The following BRI3 variants were observed in gnomAD, a reference collection of about 807,000 sequenced individuals.
BRI3 encodes the protein membrane protein BRI3.
In BRI3, 6 loss-of-function variants were observed where a neutral mutation model predicts 12.8. That is an observed-to-expected ratio of 0.47 (90% CI 0.26 to 0.93). The LOEUF (loss-of-function observed/expected upper bound fraction) is 0.93, where lower values mean the gene tolerates loss of function less well. BRI3 is among the 40% of genes least tolerant of loss of function. The pLI is 0.15. For synonymous variants in BRI3, 91 were observed against 76.1 expected (o/e 1.20, Z -1.02); for missense variants, 134 against 171.1 (o/e 0.78, Z 1.21).
upstream of BRI3, chr7:98,304,512 A>G: frequency 1.2e-6 from 1 of 864,736 alleles, no homozygotes; most frequent in Non-Finnish European, 1.8e-6. Flanking sequence ...TCACACACAC[A>G]GACACACACA....
At chr7:98,289,014 G>A (rs1799807126) in intron 2 of BRI3, among the ~76,000 whole-genome samples, 1 of 152,040 alleles carries the variant, frequency 6.6e-6, no homozygotes, top group African/African-American at 2.4e-5. Context: ...AGGCTAGAGT[G>A]CAGTGGCACG....
exon 2 of BRI3, chr7:98,307,784 C>G: frequency 1.9e-6 from 3 of 1,614,258 alleles, no homozygotes; most frequent in Non-Finnish European, 2.5e-6. Flanking sequence ...TGAGTAAGGT[C>G]TTGTTGGAGC....
intron 2 of BRI3, among the ~76,000 whole-genome samples, chr7:98,287,325 C>T (rs1799743841): frequency 6.6e-6 from 1 of 152,182 alleles, no homozygotes; most frequent in African/African-American, 2.4e-5. Flanking sequence ...CGGAGTGGGT[C>T]CCTGGACTGA....
the BRI3 span, chr7:98,319,919 G>A: frequency 5.2e-5 from 38 of 733,118 alleles, no homozygotes; most frequent in East Asian, 3.0e-4. Context: ...AGAGCTTGTC[G>A]GTTTCATGCA....
At chr7:98,292,339 A>G (rs995607901), downstream of BRI3, 15 of 364,292 alleles carry the variant, frequency 4.1e-5, no homozygotes, top group Admixed American at 1.7e-4. Flanking sequence ...CTCCTGCCTC[A>G]GCCTCCTGAG....
upstream of BRI3, among the ~76,000 whole-genome samples, chr7:98,304,814 G>A (rs368202578): frequency 2.6e-5 from 4 of 151,640 alleles, no homozygotes; most frequent in African/African-American, 7.3e-5. Flanking sequence ...CACCACACCC[G>A]GCCTAAAACA....
At chr7:98,317,294 T>C in the BRI3 span, 58 of 1,614,128 alleles carry the variant, frequency 3.6e-5, no homozygotes, top group Non-Finnish European at 3.8e-5. Context: ...TCAACTCAGC[T>C]TGGGATTTCT....
intron 2 of BRI3, among the ~76,000 whole-genome samples, chr7:98,290,760 C>T (rs7794612): frequency 6.6e-6 from 1 of 151,736 alleles, no homozygotes; most frequent in Admixed American, 6.6e-5. Context: ...CCGCCTCCCA[C>T]AGTGCTGGGA....
chr7:98,299,273 C>T (rs934121217), intron 1 of BRI3, among the ~76,000 whole-genome samples: 30 of 152,150 alleles, frequency 2.0e-4, no homozygotes, highest in Non-Finnish European at 1.0e-4. Context: ...CCTGCCTCGG[C>T]CTCCCAAGGT....
At chr7:98,292,578 C>G (rs1445868697), downstream of BRI3, 16 of 1,496,040 alleles carry the variant, frequency 1.1e-5, no homozygotes, top group Admixed American at 2.0e-5. Context: ...CACATCCATA[C>G]CATAGGGCCA....
At chr7:98,314,981 C>T (rs1302622440), downstream of BRI3, among the ~76,000 whole-genome samples, 1 of 152,228 alleles carries the variant, frequency 6.6e-6, no homozygotes, top group Non-Finnish European at 1.5e-5. Context: ...GACGTTTGAC[C>T]ATTTCAGCTG....
At chr7:98,293,740 G>T, downstream of BRI3, 1 of 768,594 alleles carries the variant, frequency 1.3e-6, no homozygotes, top group Non-Finnish European at 2.2e-6. Context: ...AGCGTTTTCT[G>T]AGTGTGAAAG....
chr7:98,321,930 T>C, the BRI3 span, among the ~76,000 whole-genome samples: 61,220 of 151,928 alleles, frequency 0.4, 13,306 homozygotes, highest in Middle Eastern at 0.55. Context: ...ACCCCGTCTC[T>C]ATTAAAAATA....
intron 2 of BRI3, among the ~76,000 whole-genome samples, chr7:98,288,995 T>C (rs1172177224): frequency 6.6e-6 from 1 of 152,074 alleles, no homozygotes; most frequent in Non-Finnish European, 1.5e-5. Context: ...AGTTTTGCTC[T>C]TGTTGCCCAG....
downstream of BRI3, chr7:98,292,580 A>G: frequency 6.7e-7 from 1 of 1,502,622 alleles, no homozygotes; most frequent in Admixed American, 2.0e-5. Context: ...CATCCATACC[A>G]TAGGGCCAGG....
chr7:98,304,431 C>G, upstream of BRI3: 1 of 1,575,354 alleles, frequency 6.3e-7, no homozygotes, highest in South Asian at 1.1e-5. Context: ...CACCAAACCC[C>G]AAACATCCTC....
chr7:98,303,019 A>G (rs1223746492), upstream of BRI3, among the ~76,000 whole-genome samples: 2 of 152,194 alleles, frequency 1.3e-5, no homozygotes, highest in Non-Finnish European at 2.9e-5. Flanking sequence ...TCCTGGGCTC[A>G]AGTGATCCTC....
chr7:98,282,124 C>T (rs574270838), intron 1 of BRI3, among the ~76,000 whole-genome samples, 187 bp downstream of exon 1: 263 of 152,308 alleles, frequency 1.7e-3, no homozygotes, highest in African/African-American at 6.0e-3. Context: ...TCCTCGGGCC[C>T]GTCGTAACCC....
chr7:98,315,638 A>AATAATT, the BRI3 span: 1 of 1,090,336 alleles, frequency 9.2e-7, no homozygotes, highest in East Asian at 3.3e-5. Context: ...TAATAATAAT[A>AATAATT]ATAATTATAT....
Sources: allele counts gnomAD v4.1 joint callset (sites outside exome capture counted in the v4.1 genomes callset), GRCh38; gene constraint gnomAD v4.1.1; transcripts MANE v1.5; gene names NCBI Gene and HGNC (gene_info 2026-07-23, HGNC 2026-07-21).